The following TMPRSS15 variants were observed in gnomAD, a reference collection of about 807,000 sequenced individuals.
TMPRSS15 encodes the protein enteropeptidase.
In TMPRSS15, 128 loss-of-function variants were observed where a neutral mutation model predicts 125.3. The observed-to-expected ratio is 1.02, with a 90% CI of 0.89 to 1.18. The LOEUF is 1.18. TMPRSS15 is among the 50% of genes most tolerant of loss of function. TMPRSS15 has a pLI of 0.00. For missense variants in TMPRSS15, 1,283 were observed against 1,212.7 expected (o/e 1.06, Z -0.86); for synonymous variants, 446 against 423.2 (o/e 1.05, Z -0.66).
chr21:18,369,045 G>A (rs2075766197), intron 6 of TMPRSS15, among the ~76,000 whole-genome samples: 1 of 151,972 alleles, frequency 6.6e-6, no homozygotes, highest in Non-Finnish European at 1.5e-5. Context: ...TGGGTGTTTA[G>A]GATTGTGACT....
intron 7 of TMPRSS15, 120 bp downstream of exon 7, chr21:18,365,020 G>T (rs1569034796): frequency 7.3e-6 from 6 of 819,640 alleles, no homozygotes; most frequent in Admixed American, 6.5e-5. Context: ...CAGTTGGGAG[G>T]TTTTTGCTTC....
At chr21:18,379,870 T>C (rs997741972) in intron 4 of TMPRSS15, among the ~76,000 whole-genome samples, 1 of 152,094 alleles carries the variant, frequency 6.6e-6, no homozygotes, top group African/African-American at 2.4e-5. Context: ...TAAAATATAG[T>C]ACCTGGCTAA....
chr21:18,293,901 A>T (rs1166105300), intron 21 of TMPRSS15, among the ~76,000 whole-genome samples: 1 of 152,204 alleles, frequency 6.6e-6, no homozygotes, highest in Non-Finnish European at 1.5e-5. Flanking sequence ...CTAGCAATAA[A>T]TATTGGACAA....
At chr21:18,350,670 C>T (rs538401774) in intron 10 of TMPRSS15, among the ~76,000 whole-genome samples, 3 of 152,084 alleles carry the variant, frequency 2.0e-5, no homozygotes, top group South Asian at 4.1e-4. Context: ...ATCTTAGCCC[C>T]ACCCTCCCCA....
At chr21:18,471,383 T>C (rs184561538) in intron 1 of TMPRSS15, among the ~76,000 whole-genome samples, 1 of 152,230 alleles carries the variant, frequency 6.6e-6, no homozygotes, top group East Asian at 1.9e-4. Context: ...TATAGAACTT[T>C]TTACAGCCAA....
At chr21:18,353,174 C>A in intron 9 of TMPRSS15, 122 bp from the exon 10 acceptor site, 3 of 892,280 alleles carry the variant, frequency 3.4e-6, no homozygotes, top group East Asian at 2.6e-5. Context: ...TGTACAAAAT[C>A]ATTATTTTTT....
At chr21:18,322,505 G>A (rs2075249223) in intron 16 of TMPRSS15, among the ~76,000 whole-genome samples, 1 of 152,082 alleles carries the variant, frequency 6.6e-6, no homozygotes, top group Non-Finnish European at 1.5e-5. Context: ...AAAAGAGAGA[G>A]AGAAAATGGT....
chr21:18,438,323 T>C lies in TMPRSS15; in HGVS notation c.11-39994A>G, dbSNP rs1274025735. 1.8e-4 allele frequency among the ~76,000 whole-genome samples: 19 copies of C among 105,634 alleles called. No individual in the cohort carries two copies. In the Admixed American group the frequency reaches 2.2e-3, roughly 12 times the overall value. The allele number at this position is 105,634 out of a possible 152,430, so 69.3% of individuals were successfully genotyped here. A position where few individuals can be genotyped will look rare whatever the true frequency, so the allele number is the denominator to read the frequency against. On this transcript the variant is annotated intron_variant, in intron 1 of 7. Coordinates refer to the TMPRSS15 transcript ENST00000422787. ...GGGGAACATCACACTCTGGGGACTG[T>C]TGTGGGGTGGGGGGAGGGGGGAGGG...
At chr21:18,341,756 T>C (rs946484282) in intron 12 of TMPRSS15, among the ~76,000 whole-genome samples, 1 of 152,206 alleles carries the variant, frequency 6.6e-6, no homozygotes, top group Admixed American at 6.5e-5. Flanking sequence ...TATTATGTGT[T>C]CACACTGGCT....
At chr21:18,311,167 C>T (rs920234382) in intron 18 of TMPRSS15, among the ~76,000 whole-genome samples, 5 of 149,866 alleles carry the variant, frequency 3.3e-5, no homozygotes, top group East Asian at 1.9e-4. Context: ...TCCAGGACAT[C>T]GGTCTGGACA....
At chr21:18,437,587 G>A (rs1475206166) in intron 1 of TMPRSS15, among the ~76,000 whole-genome samples, 1 of 152,028 alleles carries the variant, frequency 6.6e-6, no homozygotes, top group Admixed American at 6.6e-5. Flanking sequence ...CTGACAAAGG[G>A]CTAATATCCA....
At chr21:18,275,081 G>A (rs1347549420) in intron 24 of TMPRSS15, 116 bp downstream of exon 24, 5 of 1,395,624 alleles carry the variant, frequency 3.6e-6, no homozygotes, top group Non-Finnish European at 5.0e-6. Flanking sequence ...TAACAGTTTT[G>A]TAAAAGAGAA....
At position 18,294,445 on chromosome 21, in the gene TMPRSS15, C is replaced by A; in HGVS notation, c.2312-1G>T. On this transcript the variant is annotated splice_acceptor_variant, in intron 20 of 24. Transcript: ENST00000284885. LOFTEE classifies it high-confidence loss of function. ...TGAGCTGCCAGTTTTTTTCCACAAGCTATTAAAATAATTGGAGAAAGAGCA... is the reference window on the plus strand; with the variant it reads ...TGAGCTGCCAGTTTTTTTCCACAAGATATTAAAATAATTGGAGAAAGAGCA... 1.2e-6 allele frequency: 2 copies of A among 1,614,168 alleles called. No homozygotes were observed. Among genetic ancestry groups the A allele is most frequent in the African/African-American group, 1.3e-5 (1 of 75,032 alleles).
At chr21:18,411,237 G>A (rs547157200) in intron 1 of TMPRSS15, among the ~76,000 whole-genome samples, 4 of 152,178 alleles carry the variant, frequency 2.6e-5, no homozygotes, top group South Asian at 2.1e-4. Flanking sequence ...CATTCAAAAG[G>A]ATGGTGTGTT....
chr21:18,450,264 T>TG (rs201670815), intron 1 of TMPRSS15, among the ~76,000 whole-genome samples: 1 of 151,748 alleles, frequency 6.6e-6, no homozygotes, highest in African/African-American at 2.4e-5. Context: ...TTGTTTTACA[T>TG]GTTTTTTTTT....
intron 9 of TMPRSS15, 145 bp from the exon 10 acceptor site, chr21:18,353,197 T>A: frequency 1.3e-6 from 1 of 765,884 alleles, no homozygotes; most frequent in Non-Finnish European, 2.1e-6. Flanking sequence ...TGATCTTAAC[T>A]CTGTTGCATT....
chr21:18,359,813 T>C lies in TMPRSS15; in HGVS notation c.824A>G (p.Tyr275Cys). The part of the protein sequence containing the change: ...IKLSFDDFNT[Y>C]YTDILDIYEG... ...ATAAATATCTAATATATCTGTATAATATGTATTAAAATCATCGAAGCTCAG... is the reference window on the plus strand; with the variant it reads ...ATAAATATCTAATATATCTGTATAACATGTATTAAAATCATCGAAGCTCAG... Residue 275 changes from tyrosine (Y) to cysteine (C), a missense_variant, in exon 8 of 25, where the codon TAT becomes TGT. Coordinates refer to ENST00000284885, the MANE Select transcript of TMPRSS15 (RefSeq NM_002772.3). 4 of 1,536,222 alleles carry C rather than the reference T, an allele frequency of 2.6e-6. No individual in the cohort carries two copies. Among genetic ancestry groups the C allele is most frequent in the East Asian group, 2.3e-5 (1 of 44,164 alleles).
chr21:18,329,115 C>A, intron 15 of TMPRSS15, 54 bp downstream of exon 15: 1 of 1,601,278 alleles, frequency 6.2e-7, no homozygotes. Context: ...CTCTTTCCAT[C>A]AGCACAACAT....
chr21:18,356,581 G>A (rs931615867), intron 8 of TMPRSS15, among the ~76,000 whole-genome samples: 1 of 151,660 alleles, frequency 6.6e-6, no homozygotes, highest in Non-Finnish European at 1.5e-5. Flanking sequence ...CACTATGATT[G>A]GCGAATCTTT....
Sources: gnomAD v4.1 joint callset for allele counts (sites outside exome capture counted in the v4.1 genomes callset) on GRCh38, gnomAD v4.1.1 for gene constraint, MANE v1.5 for transcripts, NCBI Gene and HGNC (gene_info 2026-07-23, HGNC 2026-07-21) for gene names.